The following MED16 variants were observed in gnomAD, a reference collection of about 807,000 sequenced individuals.
MED16 encodes mediator of RNA polymerase II transcription subunit 16.
Under a neutral mutation model 84.4 loss-of-function variants are expected in MED16, and 81 were observed. The ratio of observed to expected loss-of-function variants is 0.96; its 90% CI spans 0.80 to 1.15. The LOEUF (loss-of-function observed/expected upper bound fraction) is 1.15, where lower values mean the gene tolerates loss of function less well. MED16 is among the 50% of genes most tolerant of loss of function. The pLI is 0.00. For synonymous variants in MED16, 897 were observed against 552.2 expected (o/e 1.62, Z -8.76); for missense variants, 1,585 against 1,245.9 (o/e 1.27, Z -4.10).
intron 11 of MED16, chr19:872,857 G>A (rs763830916): frequency 2.1e-4 from 142 of 689,206 alleles, no homozygotes; most frequent in Non-Finnish European, 2.5e-4. Context: ...GCAGGGCCTG[G>A]GAGGCGGGGC....
At chr19:879,316 G>A (rs370567757) in intron 8 of MED16, among the ~76,000 whole-genome samples, 95 of 43,956 alleles carry the variant, frequency 2.2e-3, no homozygotes, top group African/African-American at 8.0e-3. Flanking sequence ...TGCCCACCAA[G>A]CCCAGCCCCA....
In MED16 at chr19:877,044, G is replaced by C; in HGVS notation, c.1490C>G (p.Pro497Arg). Reference sequence around the variant, plus strand: ...CTCCACCAGGCTCTGTACCATACTGGGCTGCACGTGCAGCAGGATGTCCCA... The same window carrying C: ...CTCCACCAGGCTCTGTACCATACTGCGCTGCACGTGCAGCAGGATGTCCCA... ...DWWDILLHVQ[P>R]SMVQSLVEKL... is the part of the protein sequence containing the mutation. Residue 497 changes from proline (P) to arginine (R), a missense_variant, in exon 9 of 16, where the codon CCC becomes CGC. Physicochemically the swap from Pro to Arg is moderately radical, Grantham distance 103. Coordinates refer to ENST00000325464, the MANE Select transcript of MED16 (RefSeq NM_005481.3). 1 of 1,612,594 alleles carries C rather than the reference G, an allele frequency of 6.2e-7. No individual in the cohort carries two copies. The highest frequency in any genetic ancestry group is 2.2e-5 in the East Asian group (1 of 44,876).
intron 8 of MED16, 151 bp downstream of exon 8, chr19:879,786 A>C: frequency 1.0e-6 from 1 of 952,646 alleles, no homozygotes; most frequent in Non-Finnish European, 1.6e-6. Context: ...GTGCCCCAGC[A>C]GCTCGCCTTC....
At position 875,227 on chromosome 19, in the gene MED16, C is replaced by T. The variant is rs372215882; in HGVS notation, c.1771+17G>A. 22 of 1,549,258 alleles carry T rather than the reference C, an allele frequency of 1.4e-5. 1 individual carries two copies. Among genetic ancestry groups the T allele is most frequent in the Middle Eastern group, 1.7e-4 (1 of 5,758 alleles). On this transcript the variant is annotated intron_variant, in intron 10 of 15. Transcript: ENST00000325464. ...ATGAAAGAAACCTCGAGGCCCCGGG[C>T]GTGGAAAAGGACCCACCGACGTCGG...
Position 868,942 on chromosome 19 carries a change from G to A in MED16, c.2320C>T (p.Pro774Ser), listed in dbSNP as rs750126553. 4 of 1,537,376 alleles carry A rather than the reference G, an allele frequency of 2.6e-6. No individual in the cohort carries two copies. The highest frequency in any genetic ancestry group is 4.8e-5 in the East Asian group (2 of 41,960). ...TLQLDGLARAPGQPKIDHLRR... is the reference protein window; with the variant it reads ...TLQLDGLARASGQPKIDHLRR... ...AGGTGGTCGATCTTGGGCTGGCCTG[G>A]GGCCCTGGCGGGAGAGGGGAGAACG... The change falls in exon 14 of 16, where the codon CCA becomes TCA. Residue 774 changes from proline to serine, a missense_variant. Coordinates refer to ENST00000325464, the MANE Select transcript of MED16 (RefSeq NM_005481.3).
At chr19:871,703 T>C (rs1332600652) in intron 12 of MED16, 3 of 1,331,690 alleles carry the variant, frequency 2.3e-6, no homozygotes, top group African/African-American at 1.7e-5. Context: ...CACTGCCACC[T>C]GCAGGGGCTT....
intron 9 of MED16, 72 bp downstream of exon 9, chr19:876,902 A>G: frequency 6.8e-7 from 1 of 1,462,878 alleles, no homozygotes; most frequent in Admixed American, 2.3e-5. Flanking sequence ...ACGGGGCCCC[A>G]CCTGCCACGG....
At position 871,134 on chromosome 19, in the gene MED16, T is replaced by C. The variant is rs1215582305; in HGVS notation, c.2218A>G (p.Ser740Gly). The C allele has an allele frequency of 1.3e-6, 2 of 1,548,434 alleles. No individual in the cohort carries two copies. Among genetic ancestry groups the C allele is most frequent in the Non-Finnish European group, 1.7e-6 (2 of 1,145,818 alleles). Residue 740 changes from serine to glycine, a missense_variant, in exon 13 of 16, where the codon AGC (serine) becomes GGC (glycine). Ser to Gly is a moderately conservative substitution (Grantham distance 56, BLOSUM62 0). Transcript: ENST00000325464. Reference protein sequence around the residue: ...DWLPASDGLVSRLQPKQPLRL... With the variant: ...DWLPASDGLVGRLQPKQPLRL... ...AGGGGCTGCTTGGGCTGCAGGCGGCTAACCAGGCCGTCGCTGGCTGGCAGC... is the reference window on the plus strand; with the variant it reads ...AGGGGCTGCTTGGGCTGCAGGCGGCCAACCAGGCCGTCGCTGGCTGGCAGC...
intron 12 of MED16, chr19:871,703 T>A (rs1332600652): frequency 7.5e-7 from 1 of 1,331,688 alleles, no homozygotes; most frequent in Non-Finnish European, 1.0e-6. Context: ...CACTGCCACC[T>A]GCAGGGGCTT....
At chr19:890,690 C>T (rs571153849) in intron 2 of MED16, among the ~76,000 whole-genome samples, 1 of 152,332 alleles carries the variant, frequency 6.6e-6, no homozygotes, top group East Asian at 1.9e-4. Context: ...GGGCACGTGT[C>T]TCCAACAAGC....
At chr19:877,769 GCCCCA>G (rs2036289438) in intron 8 of MED16, among the ~76,000 whole-genome samples, 1 of 62,954 alleles carries the variant, frequency 1.6e-5, no homozygotes, top group South Asian at 4.8e-4. Flanking sequence ...ATGCCCACCA[GCCCCA>G]GCCCCAGCCC....
At chr19:883,769 C>T (rs1488328004) in intron 6 of MED16, among the ~76,000 whole-genome samples, 2 of 152,090 alleles carry the variant, frequency 1.3e-5, no homozygotes, top group Non-Finnish European at 2.9e-5. Context: ...TGCAGCCACA[C>T]GGGGTGGCGC....
At chr19:888,304 C>T (rs1032907773) in intron 4 of MED16, among the ~76,000 whole-genome samples, 8 of 152,118 alleles carry the variant, frequency 5.3e-5, no homozygotes, top group Admixed American at 3.9e-4. Context: ...GACGGATCAC[C>T]TGAGGTGAGA....
At position 890,945 on chromosome 19, in the gene MED16, G is replaced by A; in HGVS notation, c.169+18C>T. On this transcript the variant is annotated intron_variant, in intron 2 of 15. Coordinates refer to ENST00000325464, the MANE Select transcript of MED16 (RefSeq NM_005481.3). ...CACCATGCGGCCGGGAGGGGAAGCA[G>A]GTGGGAGGGGGACGCACCCTGGTCA... The A allele has an allele frequency of 6.2e-7, 1 of 1,609,364 alleles. No homozygotes were observed. The highest frequency in any genetic ancestry group is 1.1e-5 in the South Asian group (1 of 90,924).
intron 8 of MED16, among the ~76,000 whole-genome samples, chr19:877,852 C>T (rs528645703): frequency 7.1e-6 from 1 of 140,330 alleles, no homozygotes; most frequent in Admixed American, 7.0e-5. Flanking sequence ...AAGCCCAGCC[C>T]CACATGCCCC....
intron 6 of MED16, among the ~76,000 whole-genome samples, chr19:883,879 C>T (rs577885905): frequency 6.6e-6 from 1 of 152,056 alleles, no homozygotes; most frequent in Non-Finnish European, 1.5e-5. Context: ...GGGGACCGGG[C>T]GAAGGAACGA....
In MED16 at chr19:876,987, G is replaced by T; in HGVS notation, c.1547C>A (p.Ala516Asp). The T allele has an allele frequency of 6.4e-7, 1 of 1,565,320 alleles. No individual in the cohort carries two copies. The highest frequency in any genetic ancestry group is 8.6e-7 in the Non-Finnish European group (1 of 1,159,968). Residue 516 changes from alanine (A) to aspartate (D), a missense_variant, in exon 9 of 16, where the codon GCT becomes GAT. Physicochemically the swap from Ala to Asp is moderately radical, Grantham distance 126. Transcript: ENST00000325464. ...ACGGGCCCCCACCTGCTGCAGGGCA[G>T]CGGTCTGGCGCGTGTACTCCTCGTG... ...KLHEEYTRQT[A>D]ALQQVLSTRI...
intron 6 of MED16, 149 bp from the exon 7 acceptor site, chr19:881,863 C>T: frequency 1.0e-6 from 1 of 953,076 alleles, no homozygotes; most frequent in South Asian, 1.7e-5. Flanking sequence ...GAAGACCAGG[C>T]CCGGCCAATC....
intron 1 of MED16, among the ~76,000 whole-genome samples, chr19:891,483 G>A (rs2030226592): frequency 6.6e-6 from 1 of 152,174 alleles, no homozygotes; most frequent in Non-Finnish European, 1.5e-5. Context: ...GGTCTGCGCT[G>A]GCCCAGGTGA....
Sources: gnomAD v4.1 joint callset for allele counts (sites outside exome capture counted in the v4.1 genomes callset) on GRCh38, gnomAD v4.1.1 for gene constraint, MANE v1.5 for transcripts, NCBI Gene and HGNC (gene_info 2026-07-23, HGNC 2026-07-21) for gene names.